Variants in MED14 observed in about 807,000 individuals in gnomAD.
MED14 encodes mediator of RNA polymerase II transcription subunit 14.
In MED14, 8 loss-of-function variants were observed where a neutral mutation model predicts 109.0. That is an observed-to-expected ratio of 0.07 (90% CI 0.04 to 0.13). The LOEUF is 0.13. Among genes scored for constraint, MED14 ranks in the 10% least tolerant of loss-of-function variants. MED14 has a pLI of 1.00. For missense variants in MED14, 711 were observed against 1,142.4 expected (o/e 0.62, Z 5.44); for synonymous variants, 399 against 408.7 (o/e 0.98, Z 0.29).
At chrX:40,729,468 A>G in intron 1 of MED14, 123 bp from the exon 2 acceptor site, 2 of 630,208 alleles carry the variant, frequency 3.2e-6, no homozygotes, top group Non-Finnish European at 4.7e-6. Context: ...AACAGCTACT[A>G]CAGGCTCATG....
intron 16 of MED14, 77 bp downstream of exon 16, chrX:40,688,377 G>A: frequency 1.4e-6 from 1 of 717,900 alleles, no homozygotes; most frequent in East Asian, 3.2e-5. Flanking sequence ...GCTTTATGTT[G>A]TCTCATGAAA....
chrX:40,725,751 C>A (rs1931873329), intron 3 of MED14, among the ~76,000 whole-genome samples: 1 of 111,572 alleles, frequency 9.0e-6, no homozygotes, highest in Admixed American at 9.5e-5. Flanking sequence ...AACTGAAAGC[C>A]CTTCCTCTCA....
intron 24 of MED14, 90 bp from the exon 25 acceptor site, chrX:40,664,579 AT>A: frequency 1.7e-6 from 1 of 588,385 alleles, no homozygotes; most frequent in Non-Finnish European, 2.4e-6. Flanking sequence ...CACAGTAATA[AT>A]TTTATTTTTT....
chrX:40,689,332 G>A (rs1930409900), intron 15 of MED14, among the ~76,000 whole-genome samples: 1 of 111,962 alleles, frequency 8.9e-6, no homozygotes, highest in Non-Finnish European at 1.9e-5. Context: ...GGAAGTAGGG[G>A]TTCAGATTCA....
At chrX:40,716,258 T>C (rs1315354505) in intron 3 of MED14, among the ~76,000 whole-genome samples, 1 of 110,651 alleles carries the variant, frequency 9.0e-6, no homozygotes, top group African/African-American at 3.3e-5. Flanking sequence ...TGTGAAGTAC[T>C]ACAGCCACTA....
rs147236001 is a variant in MED14, at chrX:40,695,875, T to C, written c.1650+1149A>G. 5.8e-3 allele frequency among the ~76,000 whole-genome samples: 654 copies of C among 112,182 alleles called. 4 individuals carry two copies. Among genetic ancestry groups the C allele is most frequent in the Middle Eastern group, 0.018 (4 of 217 alleles). ...CTTTTAAAATAGTATCTTTTAAAAG[T>C]ACAGGTCAAAACCTTAAAAAGTTCA... On this transcript the variant is annotated intron_variant, in intron 13 of 30. Coordinates refer to ENST00000324817, the MANE Select transcript of MED14 (RefSeq NM_004229.4).
intron 1 of MED14, among the ~76,000 whole-genome samples, chrX:40,732,701 G>A (rs1352062539): frequency 9.1e-6 from 1 of 109,377 alleles, no homozygotes; most frequent in African/African-American, 3.3e-5. Context: ...GAGCAGTTGA[G>A]CCCATGTCGA....
At chrX:40,675,182 A>G in intron 22 of MED14, 39 bp downstream of exon 22, 1 of 1,116,969 alleles carries the variant, frequency 9.0e-7, no homozygotes, top group East Asian at 3.4e-5. Context: ...GTGAAGTTAC[A>G]GAAATGTGAT....
chrX:40,662,969 C>G lies in MED14; in HGVS notation c.3640G>C (p.Val1214Leu). The G allele has an allele frequency of 8.3e-7, 1 of 1,211,455 alleles. No homozygotes were observed. The highest frequency in any genetic ancestry group is 1.7e-5 in the African/African-American group (1 of 57,826). Residue 1214 changes from valine to leucine, a missense_variant, in exon 26 of 31, where the codon GTC (valine) becomes CTC (leucine). Around this residue, in one of 8 missense-constraint regions of MED14, gnomAD observed 54 missense variants for 129.6 expected, o/e 0.42. Coordinates refer to ENST00000324817, the MANE Select transcript of MED14 (RefSeq NM_004229.4). Reference sequence around the variant, plus strand: ...CTTTGAAGATGTCGTCTCATGATGACTGATCCAAGGAATCTCTCAAGTGGA... The same window carrying G: ...CTTTGAAGATGTCGTCTCATGATGAGTGATCCAAGGAATCTCTCAAGTGGA... ...CSPLERFLGS[V>L]IMRRHLQRII...
chrX:40,728,737 A>C (rs1602497277), intron 2 of MED14, among the ~76,000 whole-genome samples: 1 of 112,233 alleles, frequency 8.9e-6, no homozygotes, highest in Middle Eastern at 4.6e-3. Context: ...TTAACTATGT[A>C]ACAGTAGGAG....
intron 21 of MED14, among the ~76,000 whole-genome samples, chrX:40,676,650 C>T (rs1290850223): frequency 8.9e-6 from 1 of 111,882 alleles, no homozygotes; most frequent in Admixed American, 9.4e-5. Context: ...TTGTAATCCC[C>T]GTGTTGAGAG....
Position 40,651,681 on chromosome X carries a change from A to G in MED14, c.*125T>C, listed in dbSNP as rs1401390373. Reference sequence around the variant, plus strand: ...GAAGTGCACCCTGAAAATTTTTGCCAGTTTAGAATATTTAGCTCTTAAAGT... The same window carrying G: ...GAAGTGCACCCTGAAAATTTTTGCCGGTTTAGAATATTTAGCTCTTAAAGT... On this transcript the variant is annotated 3_prime_UTR_variant, in exon 31 of 31. Transcript: ENST00000324817. 4 of 1,049,305 alleles carry G rather than the reference A, an allele frequency of 3.8e-6. No individual in the cohort carries two copies. Among genetic ancestry groups the G allele is most frequent in the Non-Finnish European group, 4.9e-6 (4 of 817,980 alleles). The allele number at this position is 1,049,305 out of a possible 1,213,427, so 86.5% of individuals were successfully genotyped here.
intron 19 of MED14, among the ~76,000 whole-genome samples, chrX:40,681,223 C>T (rs1930101199): frequency 8.9e-6 from 1 of 111,809 alleles, no homozygotes; most frequent in South Asian, 3.7e-4. Flanking sequence ...AGAAGAGTCA[C>T]ACTTTTGGTA....
At chrX:40,726,905 A>G in intron 2 of MED14, 54 bp from the exon 3 acceptor site, 5 of 975,863 alleles carry the variant, frequency 5.1e-6, no homozygotes, top group Non-Finnish European at 7.1e-6. Context: ...AGTATTTCAC[A>G]ATTTATTTCA....
chrX:40,668,800 T>C (rs1471346868), intron 23 of MED14, among the ~76,000 whole-genome samples: 1 of 111,934 alleles, frequency 8.9e-6, no homozygotes, highest in Non-Finnish European at 1.9e-5. Flanking sequence ...AGAACACTCT[T>C]AGCAGTAGAT....
chrX:40,724,646 A>C (rs1931837431), intron 3 of MED14, among the ~76,000 whole-genome samples: 1 of 111,674 alleles, frequency 9.0e-6, no homozygotes. Context: ...ATGGAAACAC[A>C]ACACACCAAA....
chrX:40,683,997 A>G (rs946662301), intron 16 of MED14, among the ~76,000 whole-genome samples: 1 of 112,066 alleles, frequency 8.9e-6, no homozygotes, highest in Non-Finnish European at 1.9e-5. Flanking sequence ...AGATGAAATA[A>G]TGAGATTACT....
chrX:40,661,990 T>C (rs1004648050), intron 26 of MED14, among the ~76,000 whole-genome samples: 3 of 108,428 alleles, frequency 2.8e-5, no homozygotes, highest in African/African-American at 1.0e-4. Flanking sequence ...CAACCTCCCA[T>C]ATAGCTGGGA....
chrX:40,671,801 T>C (rs1301093721), intron 23 of MED14, 60 bp downstream of exon 23: 2 of 676,022 alleles, frequency 3.0e-6, no homozygotes, highest in East Asian at 7.1e-5. Context: ...CAATGTGGGG[T>C]GTGTGTGTGT....
Sources: gnomAD v4.1 joint callset for allele counts (sites outside exome capture counted in the v4.1 genomes callset) on GRCh38, gnomAD v4.1.1 for gene constraint, gnomAD v4.1.1 regional missense constraint, MANE v1.5 for transcripts, NCBI Gene and HGNC (gene_info 2026-07-23, HGNC 2026-07-21) for gene names.